COX7B2: variants seen among roughly 807,000 people sequenced by gnomAD.
The protein encoded by COX7B2 is cytochrome c oxidase subunit 7B2, mitochondrial.
For synonymous variants in COX7B2, 37 were observed against 32.1 expected, an observed-to-expected ratio of 1.15 and a Z score of -0.51; for missense variants, 109 against 95.9, an observed-to-expected ratio of 1.14 and a Z score of -0.57.
At chr4:46,842,916 C>T (rs556439120) in intron 2 of COX7B2, among the ~76,000 whole-genome samples, 44 of 152,128 alleles carry the variant, frequency 2.9e-4, no homozygotes, top group African/African-American at 8.7e-4. Flanking sequence ...GGTATATACC[C>T]AGTAATGGGA....
At chr4:46,840,033 G>A (rs892861016) in intron 2 of COX7B2, among the ~76,000 whole-genome samples, 4 of 152,000 alleles carry the variant, frequency 2.6e-5, no homozygotes, top group East Asian at 1.9e-4. Context: ...ACCTGAGGAC[G>A]TTCTCTTAGT....
chr4:46,744,887 G>T (rs1714929702), intron 2 of COX7B2, among the ~76,000 whole-genome samples: 2 of 151,582 alleles, frequency 1.3e-5, no homozygotes, highest in Admixed American at 1.3e-4. Context: ...ACGCTGGCAC[G>T]CCCGGCTAAT....
chr4:46,851,711 A>C (rs1185890909), intron 1 of COX7B2, among the ~76,000 whole-genome samples: 1 of 152,054 alleles, frequency 6.6e-6, no homozygotes, highest in Admixed American at 6.6e-5. Context: ...TTAATGACCT[A>C]GATACTTCTG....
chr4:46,803,898 G>A (rs760799725), intron 2 of COX7B2, among the ~76,000 whole-genome samples: 18 of 152,020 alleles, frequency 1.2e-4, no homozygotes, highest in Non-Finnish European at 4.4e-5. Flanking sequence ...CTACTTTCGA[G>A]GTCTCTTAGG....
intron 1 of COX7B2, among the ~76,000 whole-genome samples, chr4:46,850,221 TAAATAATTTAAAATGATTTA>T (rs1477024852): frequency 2.0e-5 from 3 of 150,398 alleles, no homozygotes; most frequent in East Asian, 2.0e-4. Context: ...GATTTAATTT[TAAATAATTTAAAATGATTTA>T]AAATAATTTA....
chr4:46,822,715 C>T (rs1714388815), intron 2 of COX7B2, among the ~76,000 whole-genome samples: 1 of 151,864 alleles, frequency 6.6e-6, no homozygotes, highest in Non-Finnish European at 1.5e-5. Context: ...AAATGATTAC[C>T]CAATGTATTT....
At chr4:46,769,758 G>A (rs1383997715) in intron 2 of COX7B2, among the ~76,000 whole-genome samples, 1 of 151,954 alleles carries the variant, frequency 6.6e-6, no homozygotes, top group Non-Finnish European at 1.5e-5. Flanking sequence ...AGTATACAAT[G>A]ATCTTAAATG....
intron 2 of COX7B2, among the ~76,000 whole-genome samples, chr4:46,828,362 A>G (rs1230665894): frequency 2.0e-5 from 3 of 152,204 alleles, no homozygotes; most frequent in African/African-American, 7.2e-5. Context: ...AGAAGCACAA[A>G]GTTCAAATTA....
At chr4:46,865,545 C>G (rs1436966675) in intron 1 of COX7B2, among the ~76,000 whole-genome samples, 1 of 152,112 alleles carries the variant, frequency 6.6e-6, no homozygotes, top group African/African-American at 2.4e-5. Context: ...CAATTTTTCT[C>G]TTCTTCTTGA....
rs568014522 is a variant in COX7B2, at chr4:46,818,510, G to A, written c.-50+26450C>T. Among the ~76,000 whole-genome samples, 320 of 152,048 alleles carry A rather than the reference G, an allele frequency of 2.1e-3. 1 individual carries two copies. The highest frequency in any genetic ancestry group is 3.5e-3 in the Non-Finnish European group (240 of 67,954). ...AAATTAGCTGGGTGTGGTGGCGAGC[G>A]CCTGTAGTCCCAGCTACTCAGTAGG... is the stretch of plus-strand genomic sequence containing the variant. On this transcript the variant is annotated intron_variant, in intron 2 of 2. Transcript: ENST00000355591.
At chr4:46,789,817 A>T (rs1408491518) in intron 2 of COX7B2, among the ~76,000 whole-genome samples, 1 of 152,142 alleles carries the variant, frequency 6.6e-6, no homozygotes. Flanking sequence ...TTGGGGAATT[A>T]CTTTTATAGA....
intron 2 of COX7B2, among the ~76,000 whole-genome samples, chr4:46,780,701 C>G (rs1717401832): frequency 6.6e-6 from 1 of 152,120 alleles, no homozygotes; most frequent in Non-Finnish European, 1.5e-5. Flanking sequence ...GGCTTTTTTA[C>G]TTGTCTTCAG....
intron 2 of COX7B2, among the ~76,000 whole-genome samples, chr4:46,814,753 AT>A (rs1719461819): frequency 1.3e-5 from 2 of 152,216 alleles, no homozygotes; most frequent in African/African-American, 4.8e-5. Context: ...TGTTGAAGAT[AT>A]TTCAGCATTA....
At chr4:46,879,921 A>G (rs1718606536) in intron 1 of COX7B2, among the ~76,000 whole-genome samples, 1 of 152,104 alleles carries the variant, frequency 6.6e-6, no homozygotes, top group African/African-American at 2.4e-5. Context: ...TTTCCTCTGT[A>G]GAGAGATACA....
At chr4:46,737,722 ACT>A (rs906344857) in intron 2 of COX7B2, among the ~76,000 whole-genome samples, 70 of 152,248 alleles carry the variant, frequency 4.6e-4, no homozygotes, top group African/African-American at 1.7e-3. Flanking sequence ...GTCAAACAAC[ACT>A]CTGTCTTCAG....
intron 2 of COX7B2, among the ~76,000 whole-genome samples, chr4:46,799,057 C>T (rs1405021155): frequency 6.6e-6 from 1 of 152,106 alleles, no homozygotes; most frequent in Non-Finnish European, 1.5e-5. Context: ...GGAAGTCATA[C>T]AAACTTCACC....
chr4:46,808,250 A>T (rs1321974204), intron 2 of COX7B2, among the ~76,000 whole-genome samples: 1 of 151,332 alleles, frequency 6.6e-6, no homozygotes, highest in Non-Finnish European at 1.5e-5. Context: ...TCCCCAGTTA[A>T]ATTTGTTCTT....
intron 2 of COX7B2, among the ~76,000 whole-genome samples, chr4:46,790,407 T>C (rs1045927700): frequency 1.3e-5 from 2 of 152,332 alleles, no homozygotes; most frequent in Middle Eastern, 3.4e-3. Flanking sequence ...CATTTTGAAT[T>C]ATATGTTTTT....
At chr4:46,781,864 C>T (rs1398720468) in intron 2 of COX7B2, among the ~76,000 whole-genome samples, 1 of 152,212 alleles carries the variant, frequency 6.6e-6, no homozygotes, top group Non-Finnish European at 1.5e-5. Flanking sequence ...TCAGCATTAC[C>T]TGCCCACGCG....
Sources: gnomAD v4.1 joint callset for allele counts (sites outside exome capture counted in the v4.1 genomes callset) on GRCh38, gnomAD v4.1.1 for gene constraint, MANE v1.5 for transcripts, NCBI Gene and HGNC (gene_info 2026-07-23, HGNC 2026-07-21) for gene names.